The following NTRK3 variants were observed in gnomAD, a reference collection of about 807,000 sequenced individuals.
The protein encoded by NTRK3 is neurotrophic receptor tyrosine kinase 3.
Under a neutral mutation model 91.7 loss-of-function variants are expected in NTRK3, and 24 were observed. That is an observed-to-expected ratio of 0.26 (90% confidence interval 0.19 to 0.37). The LOEUF is 0.37. NTRK3 is among the 10% of genes least tolerant of loss of function. NTRK3 has a pLI of 1.00. For missense variants in NTRK3, 880 were observed against 1,068.9 expected, an observed-to-expected ratio of 0.82 and a Z score of 2.46; for synonymous variants, 483 against 404.0, an observed-to-expected ratio of 1.20 and a Z score of -2.34.
intron 13 of NTRK3, among the ~76,000 whole-genome samples, chr15:88,049,449 A>G (rs12438418): frequency 0.067 from 10,196 of 152,304 alleles, 380 homozygotes; most frequent in Middle Eastern, 0.13. Flanking sequence ...ATGTAATTTT[A>G]AAGTGTCCAC....
intron 13 of NTRK3, among the ~76,000 whole-genome samples, chr15:88,099,562 C>T (rs2049967121): frequency 6.6e-6 from 1 of 152,134 alleles, no homozygotes. Flanking sequence ...GAGGCTAGAA[C>T]TTAAGTCCAT....
At chr15:88,249,759 C>T (rs76004420) in intron 3 of NTRK3, among the ~76,000 whole-genome samples, 446 of 152,256 alleles carry the variant, frequency 2.9e-3, no homozygotes, top group African/African-American at 0.01. Context: ...TCCAACACAC[C>T]GGGCCACCAG....
chr15:88,067,087 A>G (rs2046713622), intron 13 of NTRK3, among the ~76,000 whole-genome samples: 1 of 152,108 alleles, frequency 6.6e-6, no homozygotes, highest in Admixed American at 6.5e-5. Flanking sequence ...CCTTCTACCC[A>G]GTGTACAGCA....
At chr15:88,196,724 A>T (rs1039697399) in intron 3 of NTRK3, among the ~76,000 whole-genome samples, 2 of 152,166 alleles carry the variant, frequency 1.3e-5, no homozygotes, top group African/African-American at 4.8e-5. Context: ...TCCTCCAGCA[A>T]TAAACCATCT....
intron 15 of NTRK3, among the ~76,000 whole-genome samples, chr15:87,936,900 T>C (rs2069338729): frequency 6.6e-6 from 1 of 152,180 alleles, no homozygotes; most frequent in Non-Finnish European, 1.5e-5. Flanking sequence ...TAGTATAAAA[T>C]CCAAACTCCT....
Position 88,235,506 on chromosome 15 carries a change from C to G in NTRK3, c.248+20400G>C, listed in dbSNP as rs2051634284. 6.6e-6 allele frequency among the ~76,000 whole-genome samples: 1 copy of G among 152,166 alleles called. No individual in the cohort carries two copies. Among genetic ancestry groups the G allele is most frequent in the South Asian group, 2.1e-4 (1 of 4,828 alleles). On this transcript the variant is annotated intron_variant, in intron 3 of 18. Transcript: ENST00000394480. The surrounding 1 kb of genome is among the most constrained non-coding windows in gnomAD (Gnocchi z 5.2). ...GTTGCCTTTCTGGTGGGACCAGGCCCTCTTCGAGTGGCATTCATCTATCCC... is the reference window on the plus strand; with the variant it reads ...GTTGCCTTTCTGGTGGGACCAGGCCGTCTTCGAGTGGCATTCATCTATCCC...
chr15:87,874,703 C>A (rs1471170837), exon 19 of NTRK3: 1 of 232,606 alleles, frequency 4.3e-6, no homozygotes, highest in African/African-American at 2.2e-5. Flanking sequence ...CGCCTCCAGA[C>A]CATGCCCTCC....
intron 13 of NTRK3, among the ~76,000 whole-genome samples, chr15:88,049,066 A>G (rs1264092682): frequency 6.6e-6 from 1 of 152,248 alleles, no homozygotes; most frequent in Non-Finnish European, 1.5e-5. Flanking sequence ...TGAGGTGTGT[A>G]GAAATTGCTT....
rs115313393 is a variant in NTRK3, at chr15:88,198,479, G to A, written c.249-14180C>T. Among the ~76,000 whole-genome samples the A allele has an allele frequency of 3.8e-3, 584 of 151,974 alleles. 5 individuals carry two copies. Among genetic ancestry groups the A allele is most frequent in the African/African-American group, 0.013 (548 of 41,436 alleles). On this transcript the variant is annotated intron_variant, in intron 3 of 18. Transcript: ENST00000394480. ...TCCCCTAAGCTTTTAACAAACCATC[G>A]CCACCCAGTCACAGTCACTCAGTGA...
intron 17 of NTRK3, among the ~76,000 whole-genome samples, chr15:87,920,505 G>A (rs750933825): frequency 2.6e-5 from 4 of 152,068 alleles, no homozygotes; most frequent in Non-Finnish European, 4.4e-5. Flanking sequence ...CATGGTTTAG[G>A]GCTGGGAATT....
intron 14 of NTRK3, among the ~76,000 whole-genome samples, chr15:88,009,642 C>T (rs117461308): frequency 0.013 from 1,936 of 152,284 alleles, 35 homozygotes; most frequent in Non-Finnish European, 0.016. Context: ...GACCCTCCTG[C>T]TGCTGTTTTG....
At chr15:87,972,872 C>G (rs1339938238) in intron 14 of NTRK3, among the ~76,000 whole-genome samples, 5 of 152,180 alleles carry the variant, frequency 3.3e-5, no homozygotes, top group East Asian at 3.9e-4. Flanking sequence ...CCACACAGAC[C>G]TGGGCTGGAG....
chr15:87,945,803 G>GAAAAA (rs34162356), intron 14 of NTRK3, among the ~76,000 whole-genome samples: 1 of 106,754 alleles, frequency 9.4e-6, no homozygotes, highest in Non-Finnish European at 2.0e-5. Context: ...TGAAGACTGG[G>GAAAAA]AAAAAAAAAA....
chr15:88,255,265 A>G lies in NTRK3; in HGVS notation c.248+641T>C, dbSNP rs940157733. ...CAAAGGGGTGTCTCGGAAATGCCCA[A>G]AATGGGGCTGGAGAGGGCGGGCTGC... On this transcript the variant is annotated intron_variant, in intron 3 of 18. Coordinates refer to ENST00000394480, the Ensembl canonical transcript of NTRK3. This position sits in a 1 kb window ranked among gnomAD's most constrained non-coding sequence, Gnocchi z 4.3. 2.0e-5 allele frequency among the ~76,000 whole-genome samples: 3 copies of G among 152,150 alleles called. No homozygotes were observed. The highest frequency in any genetic ancestry group is 6.5e-5 in the Admixed American group (1 of 15,280).
chr15:88,054,073 C>G (rs191215055), intron 13 of NTRK3, among the ~76,000 whole-genome samples: 1 of 152,324 alleles, frequency 6.6e-6, no homozygotes, highest in Admixed American at 6.5e-5. Flanking sequence ...GGTTCCATCA[C>G]CATGAGCATT....
At chr15:88,204,418 A>T (rs1335059216) in intron 3 of NTRK3, among the ~76,000 whole-genome samples, 1 of 152,200 alleles carries the variant, frequency 6.6e-6, no homozygotes, top group African/African-American at 2.4e-5. Flanking sequence ...ATTAACGATA[A>T]CACATTATAG....
At chr15:88,136,358 C>A in intron 8 of NTRK3, 109 bp downstream of exon 8, 1 of 1,371,754 alleles carries the variant, frequency 7.3e-7, no homozygotes, top group Non-Finnish European at 1.0e-6. Context: ...TAACCCAAGT[C>A]TATGTGTTTT....
chr15:87,932,051 G>T (rs1025923076), intron 16 of NTRK3, among the ~76,000 whole-genome samples: 2 of 152,200 alleles, frequency 1.3e-5, no homozygotes, highest in East Asian at 3.9e-4. Flanking sequence ...TCTGGGCACT[G>T]TTTGGAAGTG....
intron 5 of NTRK3, among the ~76,000 whole-genome samples, chr15:88,148,784 G>A (rs1199973213): frequency 3.5e-4 from 53 of 152,192 alleles, no homozygotes; most frequent in Non-Finnish European, 4.7e-4. Context: ...TGGCAGGCCA[G>A]CTAGGAAGCT....
Sources: gnomAD v4.1 joint callset for allele counts (sites outside exome capture counted in the v4.1 genomes callset) on GRCh38, gnomAD v4.1.1 for gene constraint, Gnocchi (gnomAD v3.1) non-coding constraint, MANE v1.5 for transcripts, NCBI Gene and HGNC (gene_info 2026-07-23, HGNC 2026-07-21) for gene names.